UVRAG: variants seen among roughly 807,000 people sequenced by gnomAD.
UVRAG encodes the protein UV radiation resistance associated, also known as UV radiation resistance-associated gene protein.
A neutral mutation model predicts 78.0 loss-of-function variants in UVRAG; 19 were observed. The observed-to-expected ratio is 0.24, with a 90% CI of 0.17 to 0.36. The LOEUF is 0.36. Among genes scored for constraint, UVRAG ranks in the 10% least tolerant of loss-of-function variants. The pLI is 1.00. For missense variants in UVRAG, 740 were observed against 853.8 expected (o/e 0.87, Z 1.66); for synonymous variants, 323 against 324.6 (o/e 1.00, Z 0.05).
intron 10 of UVRAG, among the ~76,000 whole-genome samples, chr11:76,008,218 C>T (rs1340317810): frequency 6.6e-6 from 1 of 152,080 alleles, no homozygotes; most frequent in African/African-American, 2.4e-5. Context: ...CCCATTATCA[C>T]CATTTCTGAC....
intron 13 of UVRAG, among the ~76,000 whole-genome samples, chr11:76,069,885 G>A (rs1434854256): frequency 6.6e-6 from 1 of 151,970 alleles, no homozygotes. Context: ...AGATAGAAAA[G>A]GAAGCAAACG....
chr11:75,878,246 C>T (rs1378158617), intron 3 of UVRAG, among the ~76,000 whole-genome samples: 1 of 150,894 alleles, frequency 6.6e-6, no homozygotes, highest in Non-Finnish European at 1.5e-5. Flanking sequence ...AAGGTGCTCC[C>T]CACATCTCAG....
intron 5 of UVRAG, 177 bp from the exon 6 acceptor site, chr11:75,911,777 A>G: frequency 2.1e-6 from 1 of 471,038 alleles, no homozygotes; most frequent in Non-Finnish European, 3.7e-6. Flanking sequence ...ACATTCCCTC[A>G]CCTGAAAGGT....
chr11:76,115,881 A>G (rs767538828), intron 13 of UVRAG, 43 bp from the exon 14 acceptor site: 1 of 1,589,094 alleles, frequency 6.3e-7, no homozygotes, highest in East Asian at 2.2e-5. Flanking sequence ...CGAAGCTTAT[A>G]ATCTGCCAAA....
intron 14 of UVRAG, among the ~76,000 whole-genome samples, chr11:76,138,971 T>C (rs1460077258): frequency 6.6e-6 from 1 of 152,232 alleles, no homozygotes; most frequent in Non-Finnish European, 1.5e-5. Context: ...ACATATTAAC[T>C]ATAAACCTAG....
chr11:75,908,416 A>C (rs1947664638), intron 5 of UVRAG, among the ~76,000 whole-genome samples: 1 of 152,034 alleles, frequency 6.6e-6, no homozygotes, highest in African/African-American at 2.4e-5. Context: ...TCTTGCTTTC[A>C]CTTTTTTGGG....
At chr11:75,994,195 G>A (rs1591107095) in intron 8 of UVRAG, among the ~76,000 whole-genome samples, 4 of 152,212 alleles carry the variant, frequency 2.6e-5, no homozygotes, top group Non-Finnish European at 1.5e-5. Context: ...TATAAAAGGA[G>A]AGTTCTCCAA....
chr11:75,960,663 G>A (rs1948892543), intron 6 of UVRAG, among the ~76,000 whole-genome samples: 1 of 151,956 alleles, frequency 6.6e-6, no homozygotes, highest in South Asian at 2.1e-4. Flanking sequence ...GCTATTTGGG[G>A]GCCTGAGGTA....
intron 5 of UVRAG, among the ~76,000 whole-genome samples, chr11:75,904,080 A>G (rs1427305095): frequency 6.6e-6 from 1 of 152,236 alleles, no homozygotes; most frequent in Non-Finnish European, 1.5e-5. Flanking sequence ...AAGAATTTTA[A>G]AGAAAAAATA....
At chr11:75,926,202 T>C (rs1452378597) in intron 6 of UVRAG, among the ~76,000 whole-genome samples, 1 of 152,158 alleles carries the variant, frequency 6.6e-6, no homozygotes. Flanking sequence ...GAGGTCTTAA[T>C]GGTTTACTAT....
chr11:75,903,083 C>T (rs991278671), intron 5 of UVRAG, among the ~76,000 whole-genome samples: 1 of 151,994 alleles, frequency 6.6e-6, no homozygotes, highest in African/African-American at 2.4e-5. Context: ...CCTTCTCCTC[C>T]TCCTCCCCAC....
chr11:76,036,735 A>T (rs1950542191), intron 12 of UVRAG, among the ~76,000 whole-genome samples: 2 of 142,790 alleles, frequency 1.4e-5, no homozygotes, highest in African/African-American at 5.3e-5. Flanking sequence ...TGGCTGAGTT[A>T]AAAAAAAAAA....
chr11:75,961,394 T>A, intron 6 of UVRAG, 50 bp from the exon 7 acceptor site: 1 of 1,423,248 alleles, frequency 7.0e-7, no homozygotes, highest in South Asian at 1.3e-5. Flanking sequence ...AGGCTCTTTG[T>A]TGAGTTTACT....
intron 11 of UVRAG, among the ~76,000 whole-genome samples, chr11:76,009,775 C>G (rs1950017369): frequency 1.3e-5 from 2 of 152,158 alleles, no homozygotes; most frequent in Admixed American, 6.5e-5. Flanking sequence ...AACCTGTGTT[C>G]AAGTCCTGAT....
chr11:75,969,054 A>G (rs940634299), intron 7 of UVRAG, among the ~76,000 whole-genome samples: 7 of 152,210 alleles, frequency 4.6e-5, no homozygotes, highest in Non-Finnish European at 8.8e-5. Context: ...GGTATTAAAT[A>G]CCTTCAGAAT....
intron 12 of UVRAG, among the ~76,000 whole-genome samples, chr11:76,043,038 T>A (rs1419700781): frequency 6.6e-6 from 1 of 152,214 alleles, no homozygotes; most frequent in Non-Finnish European, 1.5e-5. Context: ...TCACTTGAGG[T>A]TAAAATGATC....
chr11:75,951,560 T>G (rs1016073766), intron 6 of UVRAG, among the ~76,000 whole-genome samples: 5 of 152,162 alleles, frequency 3.3e-5, no homozygotes, highest in African/African-American at 1.2e-4. Context: ...TTTTGTATTT[T>G]TAGTAGACAC....
chr11:76,116,064 C>G (rs746450665), intron 14 of UVRAG, 49 bp downstream of exon 14: 39 of 1,560,928 alleles, frequency 2.5e-5, no homozygotes, highest in Non-Finnish European at 3.4e-5. Context: ...TGGATAGGAT[C>G]CTGAAAATCT....
chr11:76,088,731 A>G (rs1481119106), intron 13 of UVRAG, among the ~76,000 whole-genome samples: 3 of 151,794 alleles, frequency 2.0e-5, no homozygotes, highest in Admixed American at 6.6e-5. Flanking sequence ...GTAAACTCCC[A>G]CTCATTCTCC....
Sources: allele counts gnomAD v4.1 joint callset (sites outside exome capture counted in the v4.1 genomes callset), GRCh38; gene constraint gnomAD v4.1.1; transcripts MANE v1.5; gene names NCBI Gene and HGNC (gene_info 2026-07-23, HGNC 2026-07-21).